The following SEL1L3 variants were observed in gnomAD, a reference collection of about 807,000 sequenced individuals.
SEL1L3 encodes protein sel-1 homolog 3.
In SEL1L3, 76 loss-of-function variants were observed where a neutral mutation model predicts 142.8. The ratio of observed to expected loss-of-function variants is 0.53; its 90% CI spans 0.44 to 0.64. The LOEUF (loss-of-function observed/expected upper bound fraction) is 0.64, where lower values mean the gene tolerates loss of function less well. Ranked by LOEUF, SEL1L3 falls within the 30% of genes least tolerant of loss-of-function variation. The pLI is 0.00. For synonymous variants in SEL1L3, 504 were observed against 519.6 expected (o/e 0.97, Z 0.41); for missense variants, 1,262 against 1,381.7 (o/e 0.91, Z 1.37).
In SEL1L3 at chr4:25,862,973, C is replaced by T. The variant is rs1717844807; in HGVS notation, c.-137G>A. On this transcript the variant is annotated 5_prime_UTR_variant, in exon 1 of 24. Transcript: ENST00000399878. ...GGCCACCTGCCGCCACCTCCGGACC[C>T]GCCGCCGCCGCCACTGCCGCTCCCG... 1 of 428,902 alleles carries T rather than the reference C, an allele frequency of 2.3e-6. No homozygotes were observed. The highest frequency in any genetic ancestry group is 6.6e-5 in the Admixed American group (1 of 15,056). The allele number at this position is 428,902 out of a possible 1,614,324, so 26.6% of individuals were successfully genotyped here.
intron 1 of SEL1L3, among the ~76,000 whole-genome samples, chr4:25,853,664 C>CTTTTTTTTTTTTTTTT (rs34922528): frequency 1.2e-5 from 1 of 83,052 alleles, no homozygotes; most frequent in Non-Finnish European, 2.1e-5. Context: ...CTCTTCTTAC[C>CTTTTTTTTTTTTTTTT]TTTTTTTTTT....
intron 9 of SEL1L3, among the ~76,000 whole-genome samples, chr4:25,809,109 G>T (rs1448612745): frequency 1.3e-5 from 2 of 148,372 alleles, no homozygotes; most frequent in African/African-American, 4.9e-5. Context: ...ATCTTTCTAT[G>T]TACTGGGTAA....
Position 25,748,336 on chromosome 4 carries a change from G to A in SEL1L3, c.*89C>T. Reference sequence around the variant, plus strand: ...ATCCAGTTGACAAGACATTTAAGGTGTTTATCAGGATCATGCCCTGGCCCC... The same window carrying A: ...ATCCAGTTGACAAGACATTTAAGGTATTTATCAGGATCATGCCCTGGCCCC... On this transcript the variant is annotated 3_prime_UTR_variant, in exon 24 of 24. Coordinates refer to ENST00000399878, the MANE Select transcript of SEL1L3 (RefSeq NM_015187.5). 7.4e-7 allele frequency: 1 copy of A among 1,349,584 alleles called. No individual in the cohort carries two copies. Among genetic ancestry groups the A allele is most frequent in the South Asian group, 1.4e-5 (1 of 69,246 alleles). The allele number at this position is 1,349,584 out of a possible 1,614,324, so 83.6% of individuals were successfully genotyped here.
intron 11 of SEL1L3, 120 bp from the exon 12 acceptor site, chr4:25,790,694 GGGAGGGAA>G (rs1560303333): frequency 8.9e-6 from 1 of 112,514 alleles, no homozygotes; most frequent in Admixed American, 1.0e-4. Context: ...GAGGGAGGGA[GGGAGGGAA>G]GGAAGAAAAG....
At chr4:25,761,187 TTTTTG>T (rs769227535) in intron 20 of SEL1L3, among the ~76,000 whole-genome samples, 2 of 152,108 alleles carry the variant, frequency 1.3e-5, no homozygotes, top group East Asian at 1.9e-4. Context: ...GCTTTATGAT[TTTTTG>T]TTTTGTTTTG....
chr4:25,716,432 T>C, the SEL1L3 span, among the ~76,000 whole-genome samples: 5,351 of 152,244 alleles, frequency 0.035, 290 homozygotes, highest in African/African-American at 0.12. Context: ...TATTACCACA[T>C]TGGAGAACTA....
the SEL1L3 span, among the ~76,000 whole-genome samples, chr4:25,728,115 C>T: frequency 2.0e-5 from 3 of 152,136 alleles, no homozygotes; most frequent in African/African-American, 7.2e-5. Flanking sequence ...CTTATGTTGA[C>T]CACAATGAGA....
chr4:25,799,016 G>T (rs1712990991), intron 11 of SEL1L3, among the ~76,000 whole-genome samples: 1 of 152,060 alleles, frequency 6.6e-6, no homozygotes. Context: ...GCTTGCAGAT[G>T]GCTGTCATCT....
In SEL1L3 at chr4:25,788,196, A is replaced by G; in HGVS notation, c.2217+28T>C. On this transcript the variant is annotated intron_variant, in intron 13 of 23. Transcript: ENST00000399878. This position sits in a 1 kb window ranked among gnomAD's most constrained non-coding sequence, Gnocchi z 5.3. ...TCAGGAGTCTGATAAGAATTGCACAATTTCAGCACGAATTAAGTGATTCTT... is the reference window on the plus strand; with the variant it reads ...TCAGGAGTCTGATAAGAATTGCACAGTTTCAGCACGAATTAAGTGATTCTT... 6.2e-7 allele frequency: 1 copy of G among 1,610,296 alleles called. No homozygotes were observed. Among genetic ancestry groups the G allele is most frequent in the East Asian group, 2.2e-5 (1 of 44,848 alleles).
chr4:25,825,034 A>G (rs1715002555), intron 6 of SEL1L3, among the ~76,000 whole-genome samples: 2 of 152,222 alleles, frequency 1.3e-5, no homozygotes, highest in Non-Finnish European at 1.5e-5. Context: ...TTTGTACTCA[A>G]AAGAAGGCCC....
the SEL1L3 span, among the ~76,000 whole-genome samples, chr4:25,714,516 CTTT>C: frequency 3.2e-3 from 250 of 78,780 alleles, 1 homozygote; most frequent in South Asian, 0.015. Flanking sequence ...TTCTTTCTTT[CTTT>C]CTTTCTTTCT....
intron 17 of SEL1L3, among the ~76,000 whole-genome samples, chr4:25,771,312 A>T (rs1366944817): frequency 6.6e-6 from 1 of 152,232 alleles, no homozygotes; most frequent in Non-Finnish European, 1.5e-5. Context: ...AGCCATTTTG[A>T]CAGGGAGAGG....
intron 2 of SEL1L3, among the ~76,000 whole-genome samples, chr4:25,836,197 T>C (rs1377592731): frequency 6.6e-6 from 1 of 152,196 alleles, no homozygotes; most frequent in Non-Finnish European, 1.5e-5. Flanking sequence ...CTAAAAAGCA[T>C]AGGGATGTTC....
At chr4:25,717,991 G>T in the SEL1L3 span, 1 of 152,142 alleles carries the variant, frequency 6.6e-6, no homozygotes, top group Non-Finnish European at 1.5e-5. Context: ...TGAGCTGTCA[G>T]TTCTTGCATA....
chr4:25,851,225 A>G (rs1716870759), intron 1 of SEL1L3, among the ~76,000 whole-genome samples: 1 of 152,134 alleles, frequency 6.6e-6, no homozygotes, highest in African/African-American at 2.4e-5. Context: ...GTAAATTGCA[A>G]CGTTTTCTAG....
chr4:25,794,414 T>C (rs528525420), intron 11 of SEL1L3, among the ~76,000 whole-genome samples: 85 of 152,098 alleles, frequency 5.6e-4, no homozygotes, highest in African/African-American at 1.3e-3. Context: ...AGGCAACAAA[T>C]GTAGGGGAAA....
At chr4:25,851,933 G>A (rs1716932744) in intron 1 of SEL1L3, among the ~76,000 whole-genome samples, 1 of 149,886 alleles carries the variant, frequency 6.7e-6, no homozygotes, top group Non-Finnish European at 1.5e-5. Flanking sequence ...TATGTCTTCT[G>A]CAAATGGCAG....
At chr4:25,791,391 C>A (rs1712326131) in intron 11 of SEL1L3, among the ~76,000 whole-genome samples, 3 of 152,222 alleles carry the variant, frequency 2.0e-5, no homozygotes, top group South Asian at 4.1e-4. Flanking sequence ...TCCCAGGTAT[C>A]TGACTCCTTT....
chr4:25,733,451 T>C, the SEL1L3 span, among the ~76,000 whole-genome samples: 1 of 152,130 alleles, frequency 6.6e-6, no homozygotes, highest in Middle Eastern at 3.4e-3. Context: ...ATTTTTTTAA[T>C]GTTGACTTTG....
Sources: allele counts gnomAD v4.1 joint callset (sites outside exome capture counted in the v4.1 genomes callset), GRCh38; gene constraint gnomAD v4.1.1; non-coding constraint Gnocchi (gnomAD v3.1); transcripts MANE v1.5; gene names NCBI Gene and HGNC (gene_info 2026-07-23, HGNC 2026-07-21).